TOGARAM1: variants seen among roughly 807,000 people sequenced by gnomAD.
TOGARAM1 encodes TOG array regulator of axonemal microtubules 1.
A neutral mutation model predicts 166.6 loss-of-function variants in TOGARAM1; 100 were observed. The ratio of observed to expected loss-of-function variants is 0.60; its 90% CI spans 0.51 to 0.71. The LOEUF (loss-of-function observed/expected upper bound fraction) is 0.71. Among genes scored for constraint, TOGARAM1 ranks in the 30% least tolerant of loss-of-function variants. The pLI is 0.00. For missense variants in TOGARAM1, 2,029 were observed against 2,102.7 expected, an observed-to-expected ratio of 0.96 and a Z score of 0.69; for synonymous variants, 758 against 763.8, an observed-to-expected ratio of 0.99 and a Z score of 0.13.
chr14:45,065,490 T>G (rs1239101812), intron 16 of TOGARAM1, among the ~76,000 whole-genome samples: 1 of 152,244 alleles, frequency 6.6e-6, no homozygotes, highest in Non-Finnish European at 1.5e-5. Flanking sequence ...CATTTAAAGC[T>G]GTCCTGGGCT....
chr14:45,058,649 G>C (rs1882761014), intron 16 of TOGARAM1, among the ~76,000 whole-genome samples: 1 of 152,122 alleles, frequency 6.6e-6, no homozygotes, highest in South Asian at 2.1e-4. Flanking sequence ...CAGCTAGAGT[G>C]AGTTTTTTAT....
chr14:45,072,679 C>G (rs768914961), intron 19 of TOGARAM1, among the ~76,000 whole-genome samples: 7 of 152,094 alleles, frequency 4.6e-5, no homozygotes, highest in Non-Finnish European at 8.8e-5. Context: ...CCCACCTCGG[C>G]CTCTCAAAGT....
intron 1 of TOGARAM1, among the ~76,000 whole-genome samples, chr14:44,981,745 A>T (rs1289521288): frequency 1.3e-5 from 2 of 152,222 alleles, no homozygotes; most frequent in African/African-American, 4.8e-5. Context: ...TCTACAATTA[A>T]TAATTTGTTT....
At chr14:44,965,939 A>G (rs1012056071) in intron 1 of TOGARAM1, among the ~76,000 whole-genome samples, 1 of 149,226 alleles carries the variant, frequency 6.7e-6, no homozygotes, top group South Asian at 2.1e-4. Context: ...CAATGGCGCA[A>G]TCTCAGCTCA....
At chr14:44,967,027 G>A (rs1182910967) in intron 1 of TOGARAM1, among the ~76,000 whole-genome samples, 2 of 151,868 alleles carry the variant, frequency 1.3e-5, no homozygotes, top group African/African-American at 4.8e-5. Context: ...TCTTGCTTCA[G>A]ACCTGGAATC....
chr14:45,055,360 T>C (rs1402434773), intron 16 of TOGARAM1, among the ~76,000 whole-genome samples: 1 of 152,230 alleles, frequency 6.6e-6, no homozygotes, highest in Non-Finnish European at 1.5e-5. Context: ...TGGTTGTAGA[T>C]ATGTGGCTTT....
chr14:44,976,953 A>T (rs1886229407), intron 1 of TOGARAM1, among the ~76,000 whole-genome samples: 1 of 152,326 alleles, frequency 6.6e-6, no homozygotes, highest in African/African-American at 2.4e-5. Context: ...GTATTTTAAA[A>T]ATACCAGAAA....
intron 13 of TOGARAM1, among the ~76,000 whole-genome samples, chr14:45,045,703 GTGTATATATA>G (rs1566661153): frequency 3.1e-5 from 3 of 95,394 alleles, no homozygotes; most frequent in Non-Finnish European, 5.6e-5. Flanking sequence ...ACATATATAT[GTGTATATATA>G]TACACATATA....
chr14:45,054,387 T>G (rs976886211), intron 15 of TOGARAM1, 44 bp from the exon 16 acceptor site: 3 of 1,192,164 alleles, frequency 2.5e-6, no homozygotes, highest in Non-Finnish European at 3.6e-6. Flanking sequence ...ATTTCACTAC[T>G]AGTTTTAAAA....
Position 44,962,889 on chromosome 14 carries a change from G to A in TOGARAM1, c.468G>A (p.Leu156=), listed in dbSNP as rs1885260334. ...EGGSDEKRLC[L]QLLSDVLRGQ... Reference sequence around the variant, plus strand: ...GTAGTGATGAGAAGCGGCTCTGCTTGCAACTTCTCTCGGACGTTCTCCGGG... The same window carrying A: ...GTAGTGATGAGAAGCGGCTCTGCTTACAACTTCTCTCGGACGTTCTCCGGG... Residue 156 remains leucine, a synonymous_variant, in exon 1 of 20, where the codon TTG becomes TTA. Coordinates refer to ENST00000361462, the MANE Select transcript of TOGARAM1 (RefSeq NM_001308120.2). The A allele has an allele frequency of 2.5e-6, 4 of 1,613,950 alleles. No homozygotes were observed. The highest frequency in any genetic ancestry group is 1.7e-5 in the Admixed American group (1 of 60,000).
intron 7 of TOGARAM1, among the ~76,000 whole-genome samples, chr14:45,018,459 G>T (rs956262090): frequency 2.6e-5 from 4 of 152,120 alleles, no homozygotes; most frequent in African/African-American, 9.7e-5. Flanking sequence ...GGCTAGACTA[G>T]TCTCGAACTC....
intron 3 of TOGARAM1, among the ~76,000 whole-genome samples, chr14:45,002,747 G>A (rs1300816197): frequency 2.0e-5 from 3 of 152,216 alleles, no homozygotes; most frequent in Admixed American, 6.5e-5. Context: ...GGAGGCCAAG[G>A]TGGGTGGATC....
At position 44,995,102 on chromosome 14, in the gene TOGARAM1, T is replaced by G. The variant is rs146091184; in HGVS notation, c.2047-644T>G. On this transcript the variant is annotated intron_variant, in intron 1 of 19. Transcript: ENST00000361462. ...GCTCTCATTTAGTTCTTTAACTGAT[T>G]ATGTGCAACTTCAAAATTGTATCCT... 3.3e-5 allele frequency among the ~76,000 whole-genome samples: 5 copies of G among 152,362 alleles called. No homozygotes were observed. The East Asian group carries it at 7.7e-4, about 23-fold the overall frequency.
At chr14:45,047,530 AAC>A (rs1882133427) in intron 14 of TOGARAM1, among the ~76,000 whole-genome samples, 1 of 152,340 alleles carries the variant, frequency 6.6e-6, no homozygotes, top group African/African-American at 2.4e-5. Context: ...GAAGTTTAAG[AAC>A]AGTCAGAGAA....
At chr14:44,987,450 T>C (rs1252718831) in intron 1 of TOGARAM1, among the ~76,000 whole-genome samples, 1 of 152,114 alleles carries the variant, frequency 6.6e-6, no homozygotes, top group Non-Finnish European at 1.5e-5. Flanking sequence ...GCAAAGGATA[T>C]GAACAGACAC....
In TOGARAM1 at chr14:44,963,064, C is replaced by CTTTCT; in HGVS notation, c.644_645insTTCTT (p.Arg216SerfsTer2). On this transcript the variant is annotated frameshift_variant, in exon 1 of 20. Coordinates refer to ENST00000361462, the MANE Select transcript of TOGARAM1 (RefSeq NM_001308120.2). LOFTEE classifies it high-confidence loss of function. Reference sequence around the variant, plus strand: ...TCTGAAACGTAGTCCTGGAGAGGTGCTGAGAACGCTTATACAACAAGGACT... The same window carrying CTTTCT: ...TCTGAAACGTAGTCCTGGAGAGGTGCTTTCTTGAGAACGCTTATACAACAAGGACT... 6.2e-7 allele frequency: 1 copy of CTTTCT among 1,614,178 alleles called. No homozygotes were observed.
intron 1 of TOGARAM1, among the ~76,000 whole-genome samples, chr14:44,967,119 T>C (rs1388895221): frequency 6.6e-6 from 1 of 152,182 alleles, no homozygotes; most frequent in African/African-American, 2.4e-5. Context: ...ATAGATTTGC[T>C]CATTGCTATT....
At chr14:44,991,006 C>G (rs926428849) in intron 1 of TOGARAM1, among the ~76,000 whole-genome samples, 5 of 136,388 alleles carry the variant, frequency 3.7e-5, no homozygotes, top group Non-Finnish European at 7.6e-5. Context: ...GTCTTCCAAG[C>G]TAGAGTGCTG....
At position 45,046,788 on chromosome 14, in the gene TOGARAM1, C is replaced by G. The variant is rs1034451034; in HGVS notation, c.4313+85C>G. On this transcript the variant is annotated intron_variant, in intron 14 of 19. Coordinates refer to ENST00000361462, the MANE Select transcript of TOGARAM1 (RefSeq NM_001308120.2). ...GAAAGAAAGTTTAAAGAAGAATGAA[C>G]ATTTTCTAAATGGAGAAGTGGGGTC... The G allele has an allele frequency of 1.5e-5, 17 of 1,129,928 alleles. No homozygotes were observed. The South Asian group carries it at 6.7e-4, about 45-fold the overall frequency. 70.0% of individuals were successfully genotyped at this position (1,129,928 alleles called of 1,614,324 possible).
Sources: allele counts gnomAD v4.1 joint callset (sites outside exome capture counted in the v4.1 genomes callset), GRCh38; gene constraint gnomAD v4.1.1; transcripts MANE v1.5; gene names NCBI Gene and HGNC (gene_info 2026-07-23, HGNC 2026-07-21).